The following CLEC17A variants were observed in gnomAD, a reference collection of about 807,000 sequenced individuals.
The protein encoded by CLEC17A is C-type lectin domain family 17, member A.
In CLEC17A, 37 loss-of-function variants were observed where a neutral mutation model predicts 61.3. That is an observed-to-expected ratio of 0.60 (90% CI 0.46 to 0.79). The LOEUF (loss-of-function observed/expected upper bound fraction) is 0.79, where lower values mean the gene tolerates loss of function less well. Ranked by LOEUF, CLEC17A falls within the 30% of genes least tolerant of loss-of-function variation. The pLI is 0.00. For missense variants in CLEC17A, 418 were observed against 464.7 expected (o/e 0.90, Z 0.92); for synonymous variants, 168 against 164.9 (o/e 1.02, Z -0.14).
intron 10 of CLEC17A, among the ~76,000 whole-genome samples, chr19:14,599,448 C>A (rs1568457320): frequency 6.6e-6 from 1 of 152,100 alleles, no homozygotes; most frequent in African/African-American, 2.4e-5. Flanking sequence ...TCACAGTTAT[C>A]GAATCACTTT....
rs763362627 is a variant in CLEC17A at position 14,599,797 on chromosome 19, C to A, written c.727C>A (p.Leu243Ile). Residue 243 changes from leucine (L) to isoleucine (I), a missense_variant, in exon 11 of 14, where the codon CTT (leucine) becomes ATT (isoleucine). Coordinates refer to ENST00000417570, the MANE Select transcript of CLEC17A (RefSeq NM_001204118.2). The stretch of plus-strand genomic sequence containing the variant: ...TGACACCAACCAGTCCCTGGTGGAA[C>A]TTTGGGGCTTATTAGGTAAGTGAGA... ...RADTNQSLVE[L>I]WGLLDCRRIT... 3 of 1,613,492 alleles carry A rather than the reference C, an allele frequency of 1.9e-6. No individual in the cohort carries two copies. Among genetic ancestry groups the A allele is most frequent in the East Asian group, 4.5e-5 (2 of 44,884 alleles).
chr19:14,583,580 C>A lies in CLEC17A; in HGVS notation c.121+146C>A. On this transcript the variant is annotated intron_variant, in intron 2 of 13. Coordinates refer to ENST00000417570, the MANE Select transcript of CLEC17A (RefSeq NM_001204118.2). The stretch of plus-strand genomic sequence containing the variant: ...TGTGGAACCCACACCCTGCCCAGGA[C>A]GACCTGTCAGTCTGATGGCGGAGGT... 2.7e-6 allele frequency: 4 copies of A among 1,505,780 alleles called. No homozygotes were observed. The Admixed American group carries it at 8.5e-5, about 32-fold the overall frequency. The allele number at this position is 1,505,780 out of a possible 1,614,324, so 93.3% of individuals were successfully genotyped here.
chr19:14,587,354 A>G (rs1003825028), intron 2 of CLEC17A, among the ~76,000 whole-genome samples: 3 of 152,038 alleles, frequency 2.0e-5, no homozygotes, highest in African/African-American at 7.3e-5. Context: ...GATGCCTTAG[A>G]CATCTGAGTA....
At chr19:14,591,818 A>G (rs1391056596) in intron 3 of CLEC17A, among the ~76,000 whole-genome samples, 2 of 151,876 alleles carry the variant, frequency 1.3e-5, no homozygotes, top group African/African-American at 4.8e-5. Context: ...TCAGCCTCCC[A>G]AAGTGCTGGG....
chr19:14,583,147 T>C lies in CLEC17A; in HGVS notation c.-14T>C, dbSNP rs1411614138. On this transcript the variant is annotated 5_prime_UTR_variant, in exon 1 of 14. Transcript: ENST00000417570. The stretch of plus-strand genomic sequence containing the variant: ...AAGCCCTGGCTGCCACTTGTCAGGT[T>C]CCCTGTGCTAGACATGCATAATCTG... The C allele has an allele frequency of 1.2e-6, 2 of 1,613,860 alleles. No individual in the cohort carries two copies. The highest frequency in any genetic ancestry group is 1.7e-6 in the Non-Finnish European group (2 of 1,179,890).
intron 13 of CLEC17A, 65 bp from the exon 14 acceptor site, chr19:14,609,999 T>C: frequency 8.3e-7 from 1 of 1,199,572 alleles, no homozygotes; most frequent in Non-Finnish European, 1.2e-6. Flanking sequence ...CATTACAGTA[T>C]TATACAGAAG....
At chr19:14,587,772 A>G (rs1056675736) in intron 3 of CLEC17A, 81 bp downstream of exon 3, 2 of 1,585,166 alleles carry the variant, frequency 1.3e-6, no homozygotes, top group African/African-American at 1.3e-5. Flanking sequence ...CATTGTAGAC[A>G]CACAGTCAGT....
At chr19:14,584,797 T>A (rs2074249110) in intron 2 of CLEC17A, among the ~76,000 whole-genome samples, 1 of 151,812 alleles carries the variant, frequency 6.6e-6, no homozygotes, top group Non-Finnish European at 1.5e-5. Context: ...TGTCCCCACA[T>A]CCACATGCAG....
chr19:14,596,921 G>A lies in CLEC17A; in HGVS notation c.491G>A (p.Cys164Tyr), dbSNP rs775509873. 6.2e-7 allele frequency: 1 copy of A among 1,608,428 alleles called. No individual in the cohort carries two copies. Among genetic ancestry groups the A allele is most frequent in the Non-Finnish European group, 8.5e-7 (1 of 1,177,346 alleles). ...WLNQRSGGPGCCQKRWMVYLC... is the reference protein window; with the variant it reads ...WLNQRSGGPGYCQKRWMVYLC... ...AATCAGAGGTCTGGAGGTCCTGGCT[G>A]CTGCCAGAAGAGGTGGATGGTGTAC... Residue 164 changes from cysteine to tyrosine, a missense_variant, in exon 9 of 14, where the codon TGC becomes TAC. Physicochemically the swap from Cys to Tyr is radical, Grantham distance 194 (BLOSUM62 -2). Coordinates refer to ENST00000417570, the MANE Select transcript of CLEC17A (RefSeq NM_001204118.2).
At chr19:14,602,194 T>A (rs2074736445) in intron 12 of CLEC17A, among the ~76,000 whole-genome samples, 1 of 152,014 alleles carries the variant, frequency 6.6e-6, no homozygotes. Flanking sequence ...TCATTATATT[T>A]AAAATGTTTT....
At chr19:14,588,341 ACAAG>A (rs1195205749) in intron 3 of CLEC17A, 1 of 151,826 alleles carries the variant, frequency 6.6e-6, no homozygotes, top group African/African-American at 2.5e-5. Flanking sequence ...AAAAAAAAAA[ACAAG>A]TAGAGGTTTG....
chr19:14,594,769 C>T lies in CLEC17A; in HGVS notation c.372C>T (p.Leu124=), dbSNP rs780005106. The change falls in exon 7 of 14, where the codon CTC becomes CTT. Residue 124 remains leucine, a synonymous_variant. Coordinates refer to ENST00000417570, the MANE Select transcript of CLEC17A (RefSeq NM_001204118.2). ...CKPRNMTGLD[L]AAVTCPPPQL... ...TCTCATCTCTTCTAGGCCTGGACCT[C>T]GCCGCTGTCACCTGTCCACCTCCTC... 22 of 1,613,928 alleles carry T rather than the reference C, an allele frequency of 1.4e-5. No homozygotes were observed. Among genetic ancestry groups the T allele is most frequent in the Middle Eastern group, 3.3e-4 (2 of 6,062 alleles).
In CLEC17A at chr19:14,610,060, C is replaced by T. The variant is rs2075011912; in HGVS notation, c.1005-4C>T. 1 of 1,612,094 alleles carries T rather than the reference C, an allele frequency of 6.2e-7. No individual in the cohort carries two copies. The highest frequency in any genetic ancestry group is 1.7e-5 in the Admixed American group (1 of 59,772). Reference sequence around the variant, plus strand: ...TCCCTCTGCCCACTTTTTCCTCCATCCAGCTTCTGGGAGCCAGAGGAACCC... The same window carrying T: ...TCCCTCTGCCCACTTTTTCCTCCATTCAGCTTCTGGGAGCCAGAGGAACCC... On this transcript the variant is annotated splice_polypyrimidine_tract_variant and splice_region_variant and intron_variant, in intron 13 of 13. Transcript: ENST00000417570.
intron 4 of CLEC17A, among the ~76,000 whole-genome samples, chr19:14,593,937 G>C (rs2074482704): frequency 6.6e-6 from 1 of 151,642 alleles, no homozygotes; most frequent in Non-Finnish European, 1.5e-5. Flanking sequence ...ACTCCAGCCT[G>C]GGAGACAGAG....
At chr19:14,586,840 C>T (rs530505050) in intron 2 of CLEC17A, among the ~76,000 whole-genome samples, 5 of 151,232 alleles carry the variant, frequency 3.3e-5, no homozygotes, top group East Asian at 3.9e-4. Flanking sequence ...CAACTGGGAG[C>T]GGGGAGGTGG....
At chr19:14,605,235 A>G (rs2074828965) in intron 12 of CLEC17A, among the ~76,000 whole-genome samples, 1 of 151,898 alleles carries the variant, frequency 6.6e-6, no homozygotes, top group African/African-American at 2.4e-5. Flanking sequence ...GTAGCTGGGA[A>G]TACAGGCATG....
chr19:14,605,631 C>CT (rs2074842953), intron 12 of CLEC17A, among the ~76,000 whole-genome samples: 1 of 152,172 alleles, frequency 6.6e-6, no homozygotes, highest in South Asian at 2.1e-4. Flanking sequence ...AACCACCAGT[C>CT]TAATTTCTTT....
At chr19:14,606,488 G>T (rs2074874494) in intron 12 of CLEC17A, among the ~76,000 whole-genome samples, 1 of 152,082 alleles carries the variant, frequency 6.6e-6, no homozygotes, top group African/African-American at 2.4e-5. Context: ...AGATCAGGCT[G>T]GTCAACATGG....
Position 14,596,876 on chromosome 19 carries a change from C to A in CLEC17A, c.446C>A (p.Ala149Glu), listed in dbSNP as rs1449152790. The change falls in exon 9 of 14, where the codon GCA becomes GAA. Residue 149 changes from alanine (A) to glutamate (E), a missense_variant and splice_region_variant. By Grantham distance (107) the Ala-to-Glu change is moderately radical. Transcript: ENST00000417570. ...EPSPLQPSLAATPVPWLNQRS... is the reference protein window; with the variant it reads ...EPSPLQPSLAETPVPWLNQRS... ...CTCTGTTCCCATCCCCACTCCCCAG[C>A]AACTCCAGTCCCCTGGCTCAATCAG... 1 of 1,608,552 alleles carries A rather than the reference C, an allele frequency of 6.2e-7. No homozygotes were observed. The highest frequency in any genetic ancestry group is 1.8e-4 in the Middle Eastern group (1 of 5,640).
Sources: gnomAD v4.1 joint callset for allele counts (sites outside exome capture counted in the v4.1 genomes callset) on GRCh38, gnomAD v4.1.1 for gene constraint, MANE v1.5 for transcripts, NCBI Gene and HGNC (gene_info 2026-07-23, HGNC 2026-07-21) for gene names.